GLG1: variants seen among roughly 807,000 people sequenced by gnomAD.
GLG1 encodes the protein golgi glycoprotein 1, also known as Golgi apparatus protein 1.
A neutral mutation model predicts 160.5 loss-of-function variants in GLG1; 38 were observed. The ratio of observed to expected loss-of-function variants is 0.24; its 90% CI spans 0.18 to 0.31. The LOEUF (loss-of-function observed/expected upper bound fraction) is 0.31. Ranked by LOEUF, GLG1 falls within the 10% of genes least tolerant of loss-of-function variation. The pLI, the probability that GLG1 is intolerant of heterozygous loss-of-function variation, is 1.00. For missense variants in GLG1, 1,373 were observed against 1,505.2 expected, an observed-to-expected ratio of 0.91 and a Z score of 1.45; for synonymous variants, 644 against 543.4, an observed-to-expected ratio of 1.19 and a Z score of -2.57.
At position 74,452,147 on chromosome 16, in the gene GLG1, A is replaced by G. The variant is rs766020272; in HGVS notation, c.*1020T>C. The G allele has an allele frequency of 2.5e-6, 4 of 1,613,428 alleles. No individual in the cohort carries two copies. In the South Asian group the frequency reaches 4.4e-5, roughly 18 times the overall value. ...GTATTGTAGCCTGAAAAATAAAGCA[A>G]AGTGAGTCAAACCTCTGGCTCCCAC... On this transcript the variant is annotated 3_prime_UTR_variant, in exon 26 of 26. Coordinates refer to ENST00000422840, the MANE Select transcript of GLG1 (RefSeq NM_001145667.2).
intron 25 of GLG1, among the ~76,000 whole-genome samples, chr16:74,454,780 C>A (rs2014468093): frequency 6.7e-6 from 1 of 150,282 alleles, no homozygotes; most frequent in Non-Finnish European, 1.5e-5. Context: ...GATCCTCCTG[C>A]CTCGGTCTCC....
intron 8 of GLG1, among the ~76,000 whole-genome samples, chr16:74,489,761 G>T (rs530587399): frequency 6.6e-6 from 1 of 152,250 alleles, no homozygotes; most frequent in East Asian, 1.9e-4. Context: ...GCATAGACAC[G>T]CATGCGTGCG....
intron 1 of GLG1, among the ~76,000 whole-genome samples, chr16:74,550,513 G>A (rs1302887403): frequency 5.3e-5 from 8 of 152,124 alleles, no homozygotes; most frequent in Admixed American, 2.6e-4. Flanking sequence ...ATGGGCAGGC[G>A]AGAAGATGCC....
Position 74,522,144 on chromosome 16 carries a change from A to G in GLG1, c.471+9977T>C, listed in dbSNP as rs910995097. ...CTCTCATTAGGTTAAGGGAAAGGGA[A>G]ATTAAGAAGTTAATAGAATTCAAAT... On this transcript the variant is annotated intron_variant, in intron 2 of 25. Transcript: ENST00000422840. Among the ~76,000 whole-genome samples, 5 of 152,374 alleles carry G rather than the reference A, an allele frequency of 3.3e-5. No homozygotes were observed. In the East Asian group the frequency reaches 9.6e-4, roughly 29 times the overall value.
At chr16:74,587,141 G>A (rs1460388556) in intron 1 of GLG1, among the ~76,000 whole-genome samples, 4 of 152,056 alleles carry the variant, frequency 2.6e-5, no homozygotes, top group Admixed American at 1.3e-4. Context: ...CATTGTGAAC[G>A]AGACACAATA....
chr16:74,522,702 G>C (rs1021981411), intron 2 of GLG1, among the ~76,000 whole-genome samples: 1 of 151,846 alleles, frequency 6.6e-6, no homozygotes, highest in Non-Finnish European at 1.5e-5. Flanking sequence ...TTATTTATTT[G>C]AGACAGGACC....
chr16:74,574,061 G>A (rs1277953914), intron 1 of GLG1, among the ~76,000 whole-genome samples: 1 of 152,112 alleles, frequency 6.6e-6, no homozygotes, highest in African/African-American at 2.4e-5. Flanking sequence ...ACATGCGTGT[G>A]CACGCGCACA....
At chr16:74,583,786 T>A (rs1190594729) in intron 1 of GLG1, among the ~76,000 whole-genome samples, 1 of 152,114 alleles carries the variant, frequency 6.6e-6, no homozygotes, top group Non-Finnish European at 1.5e-5. Context: ...TGTCCAAGCA[T>A]CTCTCTTTCA....
At chr16:74,469,846 C>A in intron 16 of GLG1, 139 bp downstream of exon 16, 1 of 660,314 alleles carries the variant, frequency 1.5e-6, no homozygotes, top group Non-Finnish European at 2.8e-6. Flanking sequence ...GTTTGCCACG[C>A]TAATCAAAGG....
chr16:74,573,210 A>C (rs1032903342), intron 1 of GLG1, among the ~76,000 whole-genome samples: 1 of 152,124 alleles, frequency 6.6e-6, no homozygotes, highest in Non-Finnish European at 1.5e-5. Context: ...AGACAAAAAA[A>C]CCCTGACAGT....
chr16:74,510,477 A>C lies in GLG1; in HGVS notation c.472-1552T>G, dbSNP rs2016768453. Among the ~76,000 whole-genome samples, 3 of 152,234 alleles carry C rather than the reference A, an allele frequency of 2.0e-5. No individual in the cohort carries two copies. The South Asian group carries it at 6.2e-4, about 32-fold the overall frequency. On this transcript the variant is annotated intron_variant, in intron 2 of 25. Transcript: ENST00000422840. ...ATAAGTGATCCAATTTCTGAAACTA[A>C]GCAAAAATGAGCCTTAAATTGTTCA...
intron 1 of GLG1, among the ~76,000 whole-genome samples, chr16:74,573,497 C>T (rs1268933341): frequency 3.3e-5 from 5 of 149,432 alleles, no homozygotes; most frequent in Non-Finnish European, 6.0e-5. Context: ...GGTTAGGAAC[C>T]ACTGACTTAA....
chr16:74,459,301 C>T (rs1020468023), intron 23 of GLG1, among the ~76,000 whole-genome samples: 1 of 152,016 alleles, frequency 6.6e-6, no homozygotes, highest in African/African-American at 2.4e-5. Flanking sequence ...ACACAGTGAA[C>T]CCCCGTCTCT....
At chr16:74,566,333 T>C (rs1299136375) in intron 1 of GLG1, among the ~76,000 whole-genome samples, 2 of 152,236 alleles carry the variant, frequency 1.3e-5, no homozygotes, top group African/African-American at 4.8e-5. Flanking sequence ...AGGACATTTG[T>C]CTTTTCTATT....
rs778811110 is a variant in GLG1 at position 74,471,141 on chromosome 16, T to C, written c.2229+32A>G. 2.6e-5 allele frequency: 28 copies of C among 1,069,488 alleles called. No individual in the cohort carries two copies. In the Admixed American group the frequency reaches 3.2e-4, roughly 12 times the overall value. The allele number at this position is 1,069,488 out of a possible 1,614,324, so 66.2% of individuals were successfully genotyped here. On this transcript the variant is annotated intron_variant, in intron 15 of 25. Transcript: ENST00000422840. ...GATTCAGTCAACATCCAGGCAGCTATGATGGGATATTGGCAGCCAGGTGTC... is the reference window on the plus strand; with the variant it reads ...GATTCAGTCAACATCCAGGCAGCTACGATGGGATATTGGCAGCCAGGTGTC...
intron 9 of GLG1, 148 bp downstream of exon 9, chr16:74,485,648 G>C (rs139624762): frequency 1.0e-5 from 7 of 673,468 alleles, no homozygotes; most frequent in Non-Finnish European, 1.0e-5. Context: ...TCCAATACTA[G>C]TTTTAATAAA....
At chr16:74,486,451 G>T (rs2015788780) in intron 8 of GLG1, among the ~76,000 whole-genome samples, 2 of 152,176 alleles carry the variant, frequency 1.3e-5, no homozygotes, top group African/African-American at 4.8e-5. Context: ...CAGGATTATG[G>T]TATTTATAAT....
At position 74,493,046 on chromosome 16, in the gene GLG1, T is replaced by C; in HGVS notation, c.1145A>G (p.Lys382Arg). The change falls in exon 7 of 26, where the codon AAA becomes AGA. Residue 382 changes from lysine (K) to arginine (R), a missense_variant. Physicochemically the swap from Lys to Arg is conservative, Grantham distance 26. Transcript: ENST00000422840. ...AAGGTTTTCCACATTGCACCGGTAT[T>C]TCTTCAAGTCACTTTTACAGGATTT... ...LAKSCKSDLK[K>R]YRCNVENLPR... 2 of 1,613,916 alleles carry C rather than the reference T, an allele frequency of 1.2e-6. No individual in the cohort carries two copies. The highest frequency in any genetic ancestry group is 1.7e-6 in the Non-Finnish European group (2 of 1,179,836).
intron 2 of GLG1, among the ~76,000 whole-genome samples, chr16:74,519,874 C>G (rs2017104019): frequency 6.6e-6 from 1 of 152,116 alleles, no homozygotes; most frequent in African/African-American, 2.4e-5. Flanking sequence ...AATTCTCATA[C>G]CCATCTTCCT....
Sources: gnomAD v4.1 joint callset for allele counts (sites outside exome capture counted in the v4.1 genomes callset) on GRCh38, gnomAD v4.1.1 for gene constraint, MANE v1.5 for transcripts, NCBI Gene and HGNC (gene_info 2026-07-23, HGNC 2026-07-21) for gene names.